The following INSL6 variants were observed in gnomAD, a reference collection of about 807,000 sequenced individuals.
INSL6 encodes the protein insulin like 6.
In INSL6, 16 loss-of-function variants were observed where a neutral mutation model predicts 9.4. The ratio of observed to expected loss-of-function variants is 1.70; its 90% CI spans 1.15 to 2.59. The LOEUF (loss-of-function observed/expected upper bound fraction) is 2.59. INSL6 is among the 30% of genes most tolerant of loss of function. INSL6 has a pLI of 0.00. For missense variants in INSL6, 391 were observed against 257.3 expected (o/e 1.52, Z -3.56); for synonymous variants, 154 against 96.9 (o/e 1.59, Z -3.46).
intron 1 of INSL6, among the ~76,000 whole-genome samples, chr9:5,179,791 G>A (rs779917787): frequency 2.0e-5 from 3 of 152,154 alleles, no homozygotes; most frequent in Non-Finnish European, 2.9e-5. Context: ...TGAACTGAAC[G>A]ATGAGAACAC....
intron 1 of INSL6, among the ~76,000 whole-genome samples, chr9:5,168,055 C>A (rs1432849721): frequency 6.6e-6 from 1 of 152,108 alleles, no homozygotes; most frequent in African/African-American, 2.4e-5. Context: ...AAAGACTTCA[C>A]AAAAACCCCA....
At chr9:5,044,418 T>C in the INSL6 span, 3 of 1,610,028 alleles carry the variant, frequency 1.9e-6, no homozygotes, top group African/African-American at 1.3e-5. Context: ...ACTTTCCTCG[T>C]TGGTATTGCA....
At chr9:5,074,316 T>A in the INSL6 span, among the ~76,000 whole-genome samples, 3 of 152,304 alleles carry the variant, frequency 2.0e-5, no homozygotes, top group African/African-American at 7.2e-5. Flanking sequence ...CCTTGCTTTA[T>A]TGTGCTTCTT....
chr9:5,114,532 A>G, the INSL6 span: 1 of 468,848 alleles, frequency 2.1e-6, no homozygotes, highest in South Asian at 1.7e-5. Context: ...GAGCCGAGGA[A>G]CCAGGACAAG....
chr9:5,042,230 C>T, the INSL6 span, among the ~76,000 whole-genome samples: 16 of 151,100 alleles, frequency 1.1e-4, 1 homozygote, highest in South Asian at 2.3e-3. Flanking sequence ...CTCCGCCTCC[C>T]GGGTTCCCGC....
chr9:5,173,268 T>C (rs1250718549), intron 1 of INSL6, among the ~76,000 whole-genome samples: 1 of 152,202 alleles, frequency 6.6e-6, no homozygotes, highest in African/African-American at 2.4e-5. Context: ...CATTATTGGG[T>C]ATATACCCAA....
the INSL6 span, among the ~76,000 whole-genome samples, chr9:5,048,181 G>C: frequency 5.3e-5 from 8 of 151,332 alleles, no homozygotes; most frequent in African/African-American, 1.9e-4. Context: ...TCCCACTGTT[G>C]CCTGGGCTGG....
chr9:5,149,404 TACCTTCCTACCC>T (rs1446632109), intron 2 of INSL6, among the ~76,000 whole-genome samples: 1 of 152,188 alleles, frequency 6.6e-6, no homozygotes, highest in Non-Finnish European at 1.5e-5. Context: ...CCATCTTGCT[TACCTTCCTACCC>T]ACCATGATCT....
chr9:5,041,067 C>CA, the INSL6 span: 5 of 692,130 alleles, frequency 7.2e-6, no homozygotes, highest in Admixed American at 6.3e-5. Flanking sequence ...GGGCGTCCCT[C>CA]AGGTCTACTA....
At chr9:5,048,619 G>A in the INSL6 span, among the ~76,000 whole-genome samples, 4 of 152,090 alleles carry the variant, frequency 2.6e-5, no homozygotes, top group African/African-American at 7.2e-5. Flanking sequence ...TATTAGCAAC[G>A]TTTAGGCCTT....
At chr9:5,114,520 A>C in the INSL6 span, 2 of 470,010 alleles carry the variant, frequency 4.3e-6, no homozygotes. Context: ...GCAACGCTAG[A>C]AGAGCCGAGG....
At chr9:5,099,125 T>A in the INSL6 span, 1 of 152,192 alleles carries the variant, frequency 6.6e-6, no homozygotes, top group South Asian at 2.1e-4. Flanking sequence ...TCTGAAGACA[T>A]CCTGCACTCA....
At chr9:5,130,649 G>A (rs1824256192) in intron 3 of INSL6, among the ~76,000 whole-genome samples, 1 of 151,726 alleles carries the variant, frequency 6.6e-6, no homozygotes, top group Non-Finnish European at 1.5e-5. Flanking sequence ...AAAAGTTTAA[G>A]GTCCTCCAAA....
rs1564049614 is a variant in INSL6 at position 5,164,239 on chromosome 9, T to G, written c.316A>C (p.Asn106His). Reference sequence around the variant, plus strand: ...GGTAGTGACTGCATTTCCCAACTGTTTACTGCTTCTTCCCAAGAAGTAGAC... The same window carrying G: ...GGTAGTGACTGCATTTCCCAACTGTGTACTGCTTCTTCCCAAGAAGTAGAC... ...PVSTSWEEAVNSWEMQSLPEY... is the reference protein window; with the variant it reads ...PVSTSWEEAVHSWEMQSLPEY... Residue 106 changes from asparagine (N) to histidine (H), a missense_variant, in exon 2 of 2, where the codon AAC becomes CAC. Transcript: ENST00000381641. 6.2e-7 allele frequency: 1 copy of G among 1,606,214 alleles called. No homozygotes were observed. The highest frequency in any genetic ancestry group is 8.5e-7 in the Non-Finnish European group (1 of 1,177,116).
At chr9:5,124,876 T>C (rs903347600) in intron 3 of INSL6, among the ~76,000 whole-genome samples, 5 of 151,588 alleles carry the variant, frequency 3.3e-5, no homozygotes, top group South Asian at 2.1e-4. Context: ...AGAGCTTTTA[T>C]TGCTTATTTT....
chr9:5,028,315 C>G, the INSL6 span, among the ~76,000 whole-genome samples: 2,213 of 152,202 alleles, frequency 0.015, 24 homozygotes, highest in Non-Finnish European at 0.019. Flanking sequence ...TTTTTCTGAG[C>G]TTTAGGTCTC....
chr9:5,086,038 T>C, the INSL6 span: 5 of 763,658 alleles, frequency 6.5e-6, no homozygotes, highest in Non-Finnish European at 2.4e-6. Context: ...CAGGCAGGTG[T>C]TAAATGCTTC....
In INSL6 at chr9:5,172,745, T is replaced by C. The variant is rs961265536; in HGVS notation, c.290-8480A>G. 2.0e-5 allele frequency among the ~76,000 whole-genome samples: 3 copies of C among 152,106 alleles called. No individual in the cohort carries two copies. The East Asian group carries it at 5.8e-4, about 29-fold the overall frequency. On this transcript the variant is annotated intron_variant, in intron 1 of 1. Coordinates refer to ENST00000381641, the MANE Select transcript of INSL6 (RefSeq NM_007179.3). ...GAATTCGAGACCAGTCTGGCCAATGTAGTGAAACCCTGCCTCTTCTAAAAG... is the reference window on the plus strand; with the variant it reads ...GAATTCGAGACCAGTCTGGCCAATGCAGTGAAACCCTGCCTCTTCTAAAAG...
chr9:5,012,281 G>C, the INSL6 span, among the ~76,000 whole-genome samples: 1 of 152,176 alleles, frequency 6.6e-6, no homozygotes, highest in Non-Finnish European at 1.5e-5. Flanking sequence ...GCCTCATTCA[G>C]TGTATTCCCC....
Sources: gnomAD v4.1 joint callset for allele counts (sites outside exome capture counted in the v4.1 genomes callset) on GRCh38, gnomAD v4.1.1 for gene constraint, MANE v1.5 for transcripts, NCBI Gene and HGNC (gene_info 2026-07-23, HGNC 2026-07-21) for gene names.